Variants in EXOC4 observed in about 807,000 individuals in gnomAD.
EXOC4 encodes the protein exocyst complex component 4.
Under a neutral mutation model 107.2 loss-of-function variants are expected in EXOC4, and 71 were observed. The ratio of observed to expected loss-of-function variants is 0.66; its 90% CI spans 0.55 to 0.81. The LOEUF (loss-of-function observed/expected upper bound fraction) is 0.81. Ranked by LOEUF, EXOC4 falls within the 30% of genes least tolerant of loss-of-function variation. EXOC4 has a pLI of 0.00. For missense variants in EXOC4, 1,108 were observed against 1,189.6 expected, an observed-to-expected ratio of 0.93 and a Z score of 1.01; for synonymous variants, 456 against 441.2, an observed-to-expected ratio of 1.03 and a Z score of -0.42.
chr7:133,647,713 C>T (rs1803028818), intron 10 of EXOC4, among the ~76,000 whole-genome samples: 1 of 152,044 alleles, frequency 6.6e-6, no homozygotes, highest in South Asian at 2.1e-4. Flanking sequence ...TCCAGTCAAA[C>T]AGTTTATCTA....
chr7:133,646,003 A>G (rs1252658444), intron 10 of EXOC4, among the ~76,000 whole-genome samples: 1 of 152,082 alleles, frequency 6.6e-6, no homozygotes, highest in Non-Finnish European at 1.5e-5. Flanking sequence ...AAGTTAGACC[A>G]TTAATTTCCC....
chr7:133,353,671 C>A (rs1795960998), intron 5 of EXOC4, among the ~76,000 whole-genome samples: 1 of 151,990 alleles, frequency 6.6e-6, no homozygotes. Flanking sequence ...TGTTTATATT[C>A]ATGTATTTCA....
downstream of EXOC4, among the ~76,000 whole-genome samples, chr7:134,067,636 T>TACACACACAC (rs1491317350): frequency 2.3e-3 from 295 of 129,152 alleles, no homozygotes; most frequent in Middle Eastern, 0.016. Context: ...TATATATATA[T>TACACACACAC]ATACACACAC....
chr7:133,885,342 A>G (rs1468401120), intron 11 of EXOC4, among the ~76,000 whole-genome samples: 1 of 151,922 alleles, frequency 6.6e-6, no homozygotes, highest in Non-Finnish European at 1.5e-5. Flanking sequence ...ACAGTGTAGT[A>G]ATAAGGAGTT....
At chr7:133,709,963 A>G (rs988269841) in intron 10 of EXOC4, among the ~76,000 whole-genome samples, 12 of 152,152 alleles carry the variant, frequency 7.9e-5, no homozygotes, top group Admixed American at 6.5e-4. Flanking sequence ...TATTACACCA[A>G]ACTTAAATTG....
At chr7:133,596,248 G>A (rs1801668340) in intron 9 of EXOC4, among the ~76,000 whole-genome samples, 1 of 152,162 alleles carries the variant, frequency 6.6e-6, no homozygotes, top group African/African-American at 2.4e-5. Flanking sequence ...ATGTTCCATG[G>A]ATTTTTGAGA....
At chr7:134,053,939 A>G (rs1226353965) in intron 17 of EXOC4, among the ~76,000 whole-genome samples, 2 of 151,820 alleles carry the variant, frequency 1.3e-5, no homozygotes, top group Non-Finnish European at 2.9e-5. Flanking sequence ...ATTTTAATTT[A>G]TTTTATTTTT....
chr7:133,847,682 G>T (rs1798158821), intron 11 of EXOC4, among the ~76,000 whole-genome samples: 1 of 150,948 alleles, frequency 6.6e-6, no homozygotes, highest in African/African-American at 2.4e-5. Context: ...ACTGTGCCCG[G>T]CCCGGTTAGG....
intron 11 of EXOC4, among the ~76,000 whole-genome samples, chr7:133,842,112 A>G (rs1798035862): frequency 6.6e-6 from 1 of 152,210 alleles, no homozygotes; most frequent in South Asian, 2.1e-4. Context: ...TGCAATGCAC[A>G]TATGTTTGCA....
intron 14 of EXOC4, among the ~76,000 whole-genome samples, chr7:133,963,158 G>T (rs749720686): frequency 2.0e-5 from 3 of 152,236 alleles, no homozygotes; most frequent in Non-Finnish European, 4.4e-5. Context: ...AATCACTCAC[G>T]GCAGTTGTGC....
At chr7:133,581,684 A>G (rs992963121) in intron 9 of EXOC4, among the ~76,000 whole-genome samples, 5 of 149,424 alleles carry the variant, frequency 3.3e-5, no homozygotes, top group Non-Finnish European at 7.4e-5. Context: ...CATGAACCCA[A>G]GAGGCAGAGC....
intron 14 of EXOC4, among the ~76,000 whole-genome samples, chr7:133,980,404 A>T (rs182653470): frequency 6.6e-6 from 1 of 152,222 alleles, no homozygotes. Flanking sequence ...TAAATGCTTC[A>T]TGTGTTTTAT....
At chr7:133,995,103 A>G (rs1288641576) in intron 14 of EXOC4, among the ~76,000 whole-genome samples, 2 of 152,216 alleles carry the variant, frequency 1.3e-5, no homozygotes, top group African/African-American at 4.8e-5. Flanking sequence ...CTGTTACCTG[A>G]AACTACTTTT....
chr7:133,522,961 C>T (rs945653579), intron 9 of EXOC4, among the ~76,000 whole-genome samples: 5 of 152,140 alleles, frequency 3.3e-5, no homozygotes, highest in African/African-American at 7.2e-5. Flanking sequence ...GGCAATACTT[C>T]GTTTCTGAAC....
At chr7:133,780,394 A>C (rs16874347) in intron 10 of EXOC4, among the ~76,000 whole-genome samples, 18,825 of 152,024 alleles carry the variant, frequency 0.12, 1,262 homozygotes, top group Middle Eastern at 0.15. Context: ...AATCCAGAAA[A>C]TTAATGATAT....
intron 11 of EXOC4, among the ~76,000 whole-genome samples, chr7:133,874,726 G>A (rs1255503377): frequency 6.6e-6 from 1 of 152,242 alleles, no homozygotes; most frequent in African/African-American, 2.4e-5. Flanking sequence ...TGTATATGTA[G>A]TATGCATCTC....
intron 2 of EXOC4, among the ~76,000 whole-genome samples, chr7:133,275,607 T>A (rs1355839214): frequency 6.6e-6 from 1 of 152,196 alleles, no homozygotes; most frequent in Non-Finnish European, 1.5e-5. Context: ...GTGGCTGACC[T>A]ATTGACACTC....
At chr7:133,618,957 A>G (rs559087841) in intron 9 of EXOC4, among the ~76,000 whole-genome samples, 19 of 152,268 alleles carry the variant, frequency 1.2e-4, no homozygotes, top group South Asian at 6.2e-4. Context: ...GTCATGGCTC[A>G]TATTTTGCTG....
At chr7:133,478,135 TTTTTC>T (rs1220915918) in intron 8 of EXOC4, among the ~76,000 whole-genome samples, 1 of 151,484 alleles carries the variant, frequency 6.6e-6, no homozygotes, top group African/African-American at 2.4e-5. Context: ...TCTTTTTTTT[TTTTTC>T]TTTTCTCTAT....
Sources: gnomAD v4.1 joint callset for allele counts (sites outside exome capture counted in the v4.1 genomes callset) on GRCh38, gnomAD v4.1.1 for gene constraint, MANE v1.5 for transcripts, NCBI Gene and HGNC (gene_info 2026-07-23, HGNC 2026-07-21) for gene names.